ITPRID1: variants seen among roughly 807,000 people sequenced by gnomAD.
ITPRID1 encodes ITPR interacting domain containing 1, also known as protein ITPRID1.
Under a neutral mutation model 95.4 loss-of-function variants are expected in ITPRID1, and 96 were observed. The ratio of observed to expected loss-of-function variants is 1.01; its 90% CI spans 0.85 to 1.19. The LOEUF is 1.19. Ranked by LOEUF, ITPRID1 falls within the 50% of genes most tolerant of loss-of-function variation. The pLI, the probability that ITPRID1 is intolerant of heterozygous loss-of-function variation, is 0.00. For synonymous variants in ITPRID1, 510 were observed against 453.6 expected, an observed-to-expected ratio of 1.12 and a Z score of -1.58; for missense variants, 1,339 against 1,252.9, an observed-to-expected ratio of 1.07 and a Z score of -1.04.
rs761697612 is a variant in ITPRID1 at position 31,643,945 on chromosome 7, C to A, written c.2575C>A (p.Leu859Ile). 2 of 1,608,344 alleles carry A rather than the reference C, an allele frequency of 1.2e-6. No individual in the cohort carries two copies. The highest frequency in any genetic ancestry group is 3.4e-5 in the Admixed American group (2 of 59,542). Residue 859 changes from leucine to isoleucine, a missense_variant, in exon 12 of 15, where the codon CTA becomes ATA. By Grantham distance (5) the Leu-to-Ile change is conservative. Transcript: ENST00000615280. ...CCTTCAGGACACTACAGTGAGGGAG[C>A]TATGTTCCGTAAGTGTTCACCCTGG... ...KALQDTTVRELCSCTVHEMEA... is the reference protein window; with the variant it reads ...KALQDTTVREICSCTVHEMEA...
Position 31,625,228 on chromosome 7 carries a change from A to G in ITPRID1, c.1229-16948A>G, listed in dbSNP as rs1391806856. ...AAGTCAGTGTGGCGATTCCTCAGGG[A>G]TCTAGAATTACAAATACCATTTGAC... is the stretch of plus-strand genomic sequence containing the variant. On this transcript the variant is annotated intron_variant, in intron 10 of 14. Transcript: ENST00000615280. Among the ~76,000 whole-genome samples, 3 of 152,070 alleles carry G rather than the reference A, an allele frequency of 2.0e-5. No individual in the cohort carries two copies. In the East Asian group the frequency reaches 5.8e-4, roughly 29 times the overall value.
intron 2 of ITPRID1, among the ~76,000 whole-genome samples, chr7:31,552,267 G>A (rs1784306264): frequency 7.5e-6 from 1 of 133,480 alleles, no homozygotes; most frequent in Non-Finnish European, 1.7e-5. Flanking sequence ...CATAGTCATG[G>A]GAACATGCTT....
intron 1 of ITPRID1, among the ~76,000 whole-genome samples, chr7:31,525,918 A>G (rs1583459722): frequency 1.3e-5 from 2 of 152,164 alleles, no homozygotes; most frequent in Admixed American, 6.5e-5. Flanking sequence ...TGTACTGTAC[A>G]TCGAGATTGT....
intron 5 of ITPRID1, among the ~76,000 whole-genome samples, chr7:31,560,672 T>C (rs757873512): frequency 6.6e-5 from 10 of 152,214 alleles, no homozygotes; most frequent in African/African-American, 9.6e-5. Flanking sequence ...CCCAAGCATC[T>C]GGAAGAATGA....
At position 31,651,069 on chromosome 7, in the gene ITPRID1, A is replaced by G. The variant is rs933595746; in HGVS notation, c.2584-73A>G. The G allele has an allele frequency of 3.3e-6, 5 of 1,514,256 alleles. No homozygotes were observed. The African/African-American group carries it at 5.6e-5, about 17-fold the overall frequency. 93.8% of individuals were successfully genotyped at this position (1,514,256 alleles called of 1,614,324 possible). A position where few individuals can be genotyped will look rare whatever the true frequency, so the allele number is the denominator to read the frequency against. On this transcript the variant is annotated intron_variant, in intron 12 of 14. Transcript: ENST00000615280. ...AAAAAGGGATCCCAAATGGGAAGAC[A>G]GGCTCCACCATGGTGAGCTCTTGCA...
At chr7:31,553,528 ACT>A (rs1281588216) in intron 3 of ITPRID1, among the ~76,000 whole-genome samples, 1 of 151,656 alleles carries the variant, frequency 6.6e-6, no homozygotes, top group East Asian at 1.9e-4. Flanking sequence ...TTATTGAAAA[ACT>A]CTGATTTGTT....
At chr7:31,542,581 A>G (rs1783968243) in intron 1 of ITPRID1, among the ~76,000 whole-genome samples, 1 of 152,188 alleles carries the variant, frequency 6.6e-6, no homozygotes, top group Non-Finnish European at 1.5e-5. Flanking sequence ...TCTGTGGACT[A>G]GACTGCCTAA....
At chr7:31,650,942 C>T (rs1790888335) in intron 12 of ITPRID1, among the ~76,000 whole-genome samples, 200 bp from the exon 13 acceptor site, 1 of 152,188 alleles carries the variant, frequency 6.6e-6, no homozygotes, top group Non-Finnish European at 1.5e-5. Context: ...AACAGCTGCC[C>T]TTCTGTTGCA....
rs773127250 is a variant in ITPRID1, at chr7:31,574,588, C to T, written c.444C>T (p.Leu148=). The T allele has an allele frequency of 6.2e-6, 10 of 1,613,876 alleles. No individual in the cohort carries two copies. The highest frequency in any genetic ancestry group is 7.6e-6 in the Non-Finnish European group (9 of 1,179,824). The part of the protein sequence containing the change: ...EFWEIDPVEI[L]LDLGFGADEP... ...GGGAGATAGATCCAGTGGAGATTCT[C>T]TTGGATCTGGGGTTTGGTGCTGATG... The change falls in exon 8 of 15, where the codon CTC becomes CTT. Residue 148 remains leucine, a synonymous_variant. Transcript: ENST00000615280.
chr7:31,588,751 A>C (rs1218168947), intron 10 of ITPRID1, among the ~76,000 whole-genome samples: 1 of 152,040 alleles, frequency 6.6e-6, no homozygotes, highest in African/African-American at 2.4e-5. Context: ...AAGGAGGAAA[A>C]TCTCCAAATT....
intron 10 of ITPRID1, among the ~76,000 whole-genome samples, chr7:31,640,333 C>T (rs2128207170): frequency 6.6e-6 from 1 of 152,302 alleles, no homozygotes; most frequent in Middle Eastern, 3.4e-3. Flanking sequence ...GGTGGTTTCT[C>T]ACATGCATGA....
chr7:31,519,625 T>TCTCC (rs1203882141), intron 1 of ITPRID1, among the ~76,000 whole-genome samples: 3 of 100,444 alleles, frequency 3.0e-5, no homozygotes, highest in South Asian at 3.8e-4. Flanking sequence ...TCTCTCTATA[T>TCTCC]ATATATATAT....
chr7:31,544,269 T>TAAAG (rs1337404993), intron 1 of ITPRID1, among the ~76,000 whole-genome samples: 5 of 152,124 alleles, frequency 3.3e-5, no homozygotes, highest in Non-Finnish European at 7.4e-5. Flanking sequence ...CAGTTATTTT[T>TAAAG]AAAGATAATA....
intron 1 of ITPRID1, among the ~76,000 whole-genome samples, chr7:31,535,718 A>G (rs1052519735): frequency 1.3e-5 from 2 of 152,048 alleles, no homozygotes; most frequent in Non-Finnish European, 2.9e-5. Context: ...TTATTTTTGA[A>G]GAATATTTTA....
intron 5 of ITPRID1, among the ~76,000 whole-genome samples, chr7:31,558,951 A>G (rs1370494648): frequency 1.3e-5 from 2 of 152,228 alleles, no homozygotes; most frequent in Non-Finnish European, 2.9e-5. Flanking sequence ...CAAAATTACT[A>G]CTTAGAAACA....
intron 10 of ITPRID1, among the ~76,000 whole-genome samples, chr7:31,587,640 T>C (rs1177322049): frequency 6.6e-6 from 1 of 151,258 alleles, no homozygotes; most frequent in African/African-American, 2.4e-5. Flanking sequence ...AAAAAACTAC[T>C]TTAAAGTTCA....
intron 10 of ITPRID1, among the ~76,000 whole-genome samples, chr7:31,619,719 C>G (rs1272768498): frequency 6.6e-6 from 1 of 152,056 alleles, no homozygotes. Context: ...TCTGAGGTAC[C>G]AGTTCCATCT....
chr7:31,566,830 A>C (rs1784817223), intron 5 of ITPRID1, among the ~76,000 whole-genome samples: 1 of 152,152 alleles, frequency 6.6e-6, no homozygotes, highest in East Asian at 1.9e-4. Context: ...GGGTGCAGTG[A>C]GCAAGAATGC....
chr7:31,605,968 G>T lies in ITPRID1; in HGVS notation c.1228+22777G>T, dbSNP rs144178160. Reference sequence around the variant, plus strand: ...GTGCAATTTGCCCACCTGCATGGCAGTCTCACAGGTGGAACCTTGGTCATG... The same window carrying T: ...GTGCAATTTGCCCACCTGCATGGCATTCTCACAGGTGGAACCTTGGTCATG... On this transcript the variant is annotated intron_variant, in intron 10 of 14. Coordinates refer to ENST00000615280, the MANE Select transcript of ITPRID1 (RefSeq NM_001257967.3). Among the ~76,000 whole-genome samples the T allele has an allele frequency of 6.6e-3, 998 of 152,314 alleles. 13 individuals carry two copies. Among genetic ancestry groups the T allele is most frequent in the African/African-American group, 0.023 (940 of 41,574 alleles).
Sources: gnomAD v4.1 joint callset for allele counts (sites outside exome capture counted in the v4.1 genomes callset) on GRCh38, gnomAD v4.1.1 for gene constraint, MANE v1.5 for transcripts, NCBI Gene and HGNC (gene_info 2026-07-23, HGNC 2026-07-21) for gene names.